Variants in AGBL4 observed in about 807,000 individuals in gnomAD.
The protein encoded by AGBL4 is AGBL carboxypeptidase 4, also known as cytosolic carboxypeptidase 6.
In AGBL4, 58 loss-of-function variants were observed where a neutral mutation model predicts 66.4. The observed-to-expected ratio is 0.87, with a 90% CI of 0.71 to 1.09. The LOEUF (loss-of-function observed/expected upper bound fraction) is 1.09. Ranked by LOEUF, AGBL4 falls within the 50% of genes least tolerant of loss-of-function variation. The probability of loss-of-function intolerance (pLI) is 0.00; values close to 1 mark genes in which losing one functional copy is unlikely to be tolerated. For missense variants in AGBL4, 579 were observed against 631.0 expected, an observed-to-expected ratio of 0.92 and a Z score of 0.88; for synonymous variants, 234 against 222.9, an observed-to-expected ratio of 1.05 and a Z score of -0.44.
intron 6 of AGBL4, among the ~76,000 whole-genome samples, chr1:48,823,703 T>A (rs1276753578): frequency 6.6e-6 from 1 of 152,226 alleles, no homozygotes; most frequent in African/African-American, 2.4e-5. Flanking sequence ...CTTTAGACTT[T>A]CTCTAGGTCA....
At chr1:49,303,963 G>A (rs952968846) in intron 3 of AGBL4, among the ~76,000 whole-genome samples, 1 of 152,114 alleles carries the variant, frequency 6.6e-6, no homozygotes. Context: ...TTCTTTTGCT[G>A]TGCAGAAGCT....
chr1:49,507,707 T>A (rs535739820), intron 3 of AGBL4, among the ~76,000 whole-genome samples: 1 of 152,034 alleles, frequency 6.6e-6, no homozygotes, highest in Admixed American at 6.6e-5. Context: ...AAAAGGAGTG[T>A]CTTATTATTA....
At chr1:49,787,459 A>C (rs1052697382) in intron 2 of AGBL4, among the ~76,000 whole-genome samples, 1 of 151,124 alleles carries the variant, frequency 6.6e-6, no homozygotes, top group Non-Finnish European at 1.5e-5. Flanking sequence ...GCCGAGATCA[A>C]GCCACTGCAC....
chr1:49,904,753 C>T (rs1216846489), intron 1 of AGBL4, among the ~76,000 whole-genome samples: 1 of 152,146 alleles, frequency 6.6e-6, no homozygotes, highest in East Asian at 1.9e-4. Context: ...AAACAATCAG[C>T]CTACTTTGTA....
chr1:49,702,695 T>C (rs1022412668), intron 2 of AGBL4, among the ~76,000 whole-genome samples: 16 of 151,902 alleles, frequency 1.1e-4, no homozygotes, highest in African/African-American at 3.9e-4. Context: ...TCAAAAATCT[T>C]CAAAGAAATA....
At chr1:49,305,009 T>A (rs1327932758) in intron 3 of AGBL4, among the ~76,000 whole-genome samples, 1 of 152,172 alleles carries the variant, frequency 6.6e-6, no homozygotes, top group Non-Finnish European at 1.5e-5. Context: ...GTTAATTTAA[T>A]CCTCACAATG....
At chr1:49,904,980 CAACAT>C (rs1386957171) in intron 1 of AGBL4, among the ~76,000 whole-genome samples, 11 of 152,130 alleles carry the variant, frequency 7.2e-5, no homozygotes, top group Non-Finnish European at 8.8e-5. Context: ...CTGCTGAACA[CAACAT>C]GAGTTTTATG....
rs138081692 is a variant in AGBL4, at chr1:48,662,201, G to C, written c.724+951C>G. ...ATCTTCTCAGATTCCCACGGGGAAG[G>C]CGGTAACATCTGTTGAGTGCCTGCT... is the stretch of plus-strand genomic sequence containing the variant. On this transcript the variant is annotated intron_variant, in intron 7 of 13. Transcript: ENST00000371839. Among the ~76,000 whole-genome samples the C allele has an allele frequency of 1.7e-3, 252 of 152,354 alleles. 1 individual carries two copies. The highest frequency in any genetic ancestry group is 5.7e-3 in the African/African-American group (239 of 41,582).
rs77393835 is a variant in AGBL4, at chr1:49,067,048, A to G, written c.378-21248T>C. On this transcript the variant is annotated intron_variant, in intron 4 of 13. Transcript: ENST00000371839. ...CTCCTACCTCACCAAGAGAAATTCA[A>G]TCTTGCAAGAAATACAGGCATCCTG... is the stretch of plus-strand genomic sequence containing the variant. 2.9e-3 allele frequency among the ~76,000 whole-genome samples: 443 copies of G among 152,294 alleles called. 8 individuals carry two copies. Among genetic ancestry groups the G allele is most frequent in the African/African-American group, 0.01 (418 of 41,552 alleles).
chr1:48,982,559 C>A (rs1213671097), intron 5 of AGBL4, among the ~76,000 whole-genome samples: 1 of 152,202 alleles, frequency 6.6e-6, no homozygotes, highest in East Asian at 1.9e-4. Context: ...GCATAGTATT[C>A]CATGGTGTAT....
rs530402891 is a variant in AGBL4, at chr1:49,313,240, T to A, written c.283-67376A>T. Among the ~76,000 whole-genome samples, 20 of 152,288 alleles carry A rather than the reference T, an allele frequency of 1.3e-4. No homozygotes were observed. The South Asian group carries it at 3.9e-3, about 30-fold the overall frequency. ...TATGGCTGCATAGTATTCCATGGTGTATATGTGCCACATTTTCTTTAACCA... is the reference window on the plus strand; with the variant it reads ...TATGGCTGCATAGTATTCCATGGTGAATATGTGCCACATTTTCTTTAACCA... On this transcript the variant is annotated intron_variant, in intron 3 of 13. Transcript: ENST00000371839.
intron 5 of AGBL4, among the ~76,000 whole-genome samples, chr1:48,937,569 T>A (rs1655585253): frequency 6.6e-6 from 1 of 152,356 alleles, no homozygotes; most frequent in African/African-American, 2.4e-5. Flanking sequence ...GCCCGGGATC[T>A]GTTAAGTTGC....
At chr1:48,604,515 T>TA (rs1289513527) in intron 9 of AGBL4, among the ~76,000 whole-genome samples, 1 of 151,988 alleles carries the variant, frequency 6.6e-6, no homozygotes, top group Non-Finnish European at 1.5e-5. Flanking sequence ...TCTTTATTAA[T>TA]ATAAATTAAG....
At chr1:49,194,880 C>A (rs946002012) in intron 4 of AGBL4, among the ~76,000 whole-genome samples, 2 of 151,786 alleles carry the variant, frequency 1.3e-5, no homozygotes, top group African/African-American at 4.8e-5. Context: ...CTCTGTCTCC[C>A]AGGCTAGACT....
chr1:49,732,697 GAA>G (rs1649548866), intron 2 of AGBL4, among the ~76,000 whole-genome samples: 1 of 152,034 alleles, frequency 6.6e-6, no homozygotes, highest in South Asian at 2.1e-4. Context: ...CAGTATACAT[GAA>G]AGACAGAAAA....
chr1:49,249,887 G>A (rs1018795553), intron 3 of AGBL4, among the ~76,000 whole-genome samples: 3 of 152,178 alleles, frequency 2.0e-5, no homozygotes, highest in Non-Finnish European at 2.9e-5. Context: ...ACAATGAAAT[G>A]TTATTCAAAA....
At chr1:49,210,382 G>A (rs1195431527) in intron 4 of AGBL4, among the ~76,000 whole-genome samples, 1 of 152,068 alleles carries the variant, frequency 6.6e-6, no homozygotes, top group Non-Finnish European at 1.5e-5. Context: ...AGTCAGAAGT[G>A]TGGGTGTCAC....
intron 5 of AGBL4, among the ~76,000 whole-genome samples, chr1:48,883,737 C>T (rs893963387): frequency 2.6e-5 from 4 of 152,050 alleles, no homozygotes; most frequent in East Asian, 1.9e-4. Flanking sequence ...TAATACACTT[C>T]GATAAATTAA....
chr1:49,470,913 C>A (rs1177745429), intron 3 of AGBL4, among the ~76,000 whole-genome samples: 2 of 152,014 alleles, frequency 1.3e-5, no homozygotes, highest in Admixed American at 6.6e-5. Context: ...CTAACACTAC[C>A]GGCTCACTCT....
Sources: gnomAD v4.1 joint callset for allele counts (sites outside exome capture counted in the v4.1 genomes callset) on GRCh38, gnomAD v4.1.1 for gene constraint, MANE v1.5 for transcripts, NCBI Gene and HGNC (gene_info 2026-07-23, HGNC 2026-07-21) for gene names.